TMEM52B: variants seen among roughly 807,000 people sequenced by gnomAD.
TMEM52B encodes chromosome 12 open reading frame 59.
In TMEM52B, 11 loss-of-function variants were observed where a neutral mutation model predicts 16.1. The ratio of observed to expected loss-of-function variants is 0.68; its 90% CI spans 0.43 to 1.13. The LOEUF (loss-of-function observed/expected upper bound fraction) is 1.13, where lower values mean the gene tolerates loss of function less well. Among genes scored for constraint, TMEM52B ranks in the 50% most tolerant of loss-of-function variants. The pLI, the probability that TMEM52B is intolerant of heterozygous loss-of-function variation, is 0.00. For missense variants in TMEM52B, 243 were observed against 230.4 expected (o/e 1.05, Z -0.35); for synonymous variants, 101 against 93.8 (o/e 1.08, Z -0.45).
intron 1 of TMEM52B, among the ~76,000 whole-genome samples, chr12:10,173,740 G>A (rs995752150): frequency 1.3e-4 from 20 of 148,410 alleles, no homozygotes; most frequent in Admixed American, 6.8e-4. Context: ...ACTCCAGCCT[G>A]GGCAACAGAG....
Position 10,190,453 on chromosome 12 carries a change from G to T in TMEM52B, c.*313G>T. ...ACTATTGAGTGCATATAGAATTCCT[G>T]TACCCACATGATACTGCAAGTTGTG... On this transcript the variant is annotated 3_prime_UTR_variant, in exon 5 of 5. Transcript: ENST00000543484. The T allele has an allele frequency of 3.5e-6, 1 of 289,488 alleles. No homozygotes were observed. Among genetic ancestry groups the T allele is most frequent in the Admixed American group, 4.5e-5 (1 of 22,296 alleles). 17.9% of individuals were successfully genotyped at this position (289,488 alleles called of 1,614,324 possible).
In TMEM52B at chr12:10,189,963, G is replaced by C. The variant is rs1356311413; in HGVS notation, c.375G>C (p.Leu125=). The change falls in exon 5 of 5, where the codon CTG becomes CTC. Residue 125 remains leucine (L), a synonymous_variant. Transcript: ENST00000543484. ...CTGTGGCTCACTCCCACAGCTCCCTGGGCCAGCTGCCCTCCTCTTTGGACA... is the reference window on the plus strand; with the variant it reads ...CTGTGGCTCACTCCCACAGCTCCCTCGGCCAGCTGCCCTCCTCTTTGGACA... The part of the protein sequence containing the change: ...ILAVAHSHSS[L]GQLPSSLDTL... 5 of 1,614,162 alleles carry C rather than the reference G, an allele frequency of 3.1e-6. No homozygotes were observed. Among genetic ancestry groups the C allele is most frequent in the South Asian group, 2.2e-5 (2 of 91,078 alleles).
intron 4 of TMEM52B, among the ~76,000 whole-genome samples, chr12:10,188,542 G>GAAA (rs1433929985): frequency 4.0e-5 from 3 of 75,146 alleles, no homozygotes; most frequent in African/African-American, 1.3e-4. Flanking sequence ...GGAAGGAAAA[G>GAAA]AAGAAAAAGA....
Position 10,182,533 on chromosome 12 carries a change from A to C in TMEM52B, c.55-17A>C. ...CCAAAACAATTTCCCTGTATAAGAC[A>C]ATTTCTCTTTCTACAGCTTTCTGGG... On this transcript the variant is annotated splice_polypyrimidine_tract_variant and intron_variant, in intron 1 of 4. Coordinates refer to ENST00000543484, the MANE Select transcript of TMEM52B (RefSeq NM_001384896.1). The C allele has an allele frequency of 6.5e-7, 1 of 1,534,370 alleles. No individual in the cohort carries two copies. The highest frequency in any genetic ancestry group is 8.7e-7 in the Non-Finnish European group (1 of 1,145,836).
Position 10,189,937 on chromosome 12 carries a change from G to T in TMEM52B, c.349G>T (p.Ala117Ser). 1 of 1,614,086 alleles carries T rather than the reference G, an allele frequency of 6.2e-7. No individual in the cohort carries two copies. Among genetic ancestry groups the T allele is most frequent in the Non-Finnish European group, 8.5e-7 (1 of 1,180,024 alleles). The change falls in exon 5 of 5, where the codon GCT becomes TCT. Residue 117 changes from alanine (A) to serine (S), a missense_variant. Coordinates refer to ENST00000543484, the MANE Select transcript of TMEM52B (RefSeq NM_001384896.1). Reference sequence around the variant, plus strand: ...TGGCCCTGCAGCTCGGAGGATCCTGGCTGTGGCTCACTCCCACAGCTCCCT... The same window carrying T: ...TGGCCCTGCAGCTCGGAGGATCCTGTCTGTGGCTCACTCCCACAGCTCCCT... ...VFGPAARRIL[A>S]VAHSHSSLGQ... is the part of the protein sequence containing the mutation.
intron 1 of TMEM52B, among the ~76,000 whole-genome samples, chr12:10,173,009 C>G (rs1239434054): frequency 6.6e-6 from 1 of 152,110 alleles, no homozygotes; most frequent in East Asian, 1.9e-4. Context: ...AAGCTTTGTA[C>G]TTGGAGCATA....
chr12:10,183,042 A>G (rs1303188803), intron 2 of TMEM52B, among the ~76,000 whole-genome samples: 1 of 152,214 alleles, frequency 6.6e-6, no homozygotes, highest in Non-Finnish European at 1.5e-5. Context: ...TCATTTAGCT[A>G]TCACTTTGAT....
rs1007626194 is a variant in TMEM52B at position 10,191,651 on chromosome 12, T to C, written c.*1511T>C. ...AGTGTTATGCATATGTATGTTATTC[T>C]TCCTACTGTCTTCTAACCTTCCCTT... On this transcript the variant is annotated 3_prime_UTR_variant, in exon 5 of 5. Transcript: ENST00000543484. 1 of 152,258 alleles carries C rather than the reference T, an allele frequency of 6.6e-6. No individual in the cohort carries two copies. Among genetic ancestry groups the C allele is most frequent in the Non-Finnish European group, 1.5e-5 (1 of 68,046 alleles). 9.4% of individuals were successfully genotyped at this position (152,258 alleles called of 1,614,324 possible).
intron 2 of TMEM52B, among the ~76,000 whole-genome samples, chr12:10,184,975 G>A (rs1477285333): frequency 6.6e-6 from 1 of 152,122 alleles, no homozygotes; most frequent in African/African-American, 2.4e-5. Flanking sequence ...GCCTCCCAAA[G>A]TGCTGGGATT....
At chr12:10,172,299 G>A (rs1337889343) in intron 1 of TMEM52B, 9 of 466,958 alleles carry the variant, frequency 1.9e-5, no homozygotes, top group Non-Finnish European at 3.1e-5. Context: ...TGGTGATTCT[G>A]AAGGTGTTTC....
intron 3 of TMEM52B, among the ~76,000 whole-genome samples, chr12:10,186,077 C>T (rs1042687117): frequency 6.6e-6 from 1 of 151,854 alleles, no homozygotes; most frequent in Non-Finnish European, 1.5e-5. Flanking sequence ...GTGGCATGTG[C>T]CTATAGTACT....
At chr12:10,188,053 C>A (rs1948901810) in intron 4 of TMEM52B, among the ~76,000 whole-genome samples, 1 of 151,926 alleles carries the variant, frequency 6.6e-6, no homozygotes, top group South Asian at 2.1e-4. Flanking sequence ...GAGCCGAGAT[C>A]GTGCCACTGC....
At chr12:10,185,249 G>A in intron 2 of TMEM52B, 81 bp from the exon 3 acceptor site, 1 of 961,448 alleles carries the variant, frequency 1.0e-6, no homozygotes, top group Non-Finnish European at 1.7e-6. Context: ...ACATCATATT[G>A]TAACTCATAT....
intron 4 of TMEM52B, among the ~76,000 whole-genome samples, chr12:10,186,892 C>T (rs543312430): frequency 3.3e-5 from 5 of 152,136 alleles, no homozygotes; most frequent in East Asian, 1.9e-4. Flanking sequence ...GAACTCCAAA[C>T]GGATGCCTTT....
chr12:10,173,606 A>G (rs530772535), intron 1 of TMEM52B, among the ~76,000 whole-genome samples: 38 of 151,576 alleles, frequency 2.5e-4, no homozygotes, highest in African/African-American at 7.7e-4. Context: ...ACCTGTTGAA[A>G]CCCTGTCACC....
chr12:10,171,206 T>C (rs928576666), intron 1 of TMEM52B, among the ~76,000 whole-genome samples: 1 of 152,246 alleles, frequency 6.6e-6, no homozygotes, highest in Non-Finnish European at 1.5e-5. Flanking sequence ...GAGAAATTTC[T>C]GTTTTGTTTT....
At chr12:10,185,531 C>T (rs528565898) in intron 3 of TMEM52B, among the ~76,000 whole-genome samples, 163 bp downstream of exon 3, 3 of 152,292 alleles carry the variant, frequency 2.0e-5, no homozygotes, top group African/African-American at 4.8e-5. Context: ...CCATCTCCTC[C>T]GCAAACATCA....
chr12:10,178,275 G>T (rs1162077382), upstream of TMEM52B, among the ~76,000 whole-genome samples: 3 of 151,778 alleles, frequency 2.0e-5, no homozygotes, highest in South Asian at 6.2e-4. Context: ...CCAGCACTTT[G>T]GGAGGCCGAG....
intron 4 of TMEM52B, among the ~76,000 whole-genome samples, chr12:10,187,985 G>C (rs1314611126): frequency 6.6e-6 from 1 of 152,074 alleles, no homozygotes; most frequent in Non-Finnish European, 1.5e-5. Flanking sequence ...TGCAATCCCA[G>C]CTACTTGGGA....
Sources: allele counts gnomAD v4.1 joint callset (sites outside exome capture counted in the v4.1 genomes callset), GRCh38; gene constraint gnomAD v4.1.1; transcripts MANE v1.5; gene names NCBI Gene and HGNC (gene_info 2026-07-23, HGNC 2026-07-21).